The following EPHA7 variants were observed in gnomAD, a reference collection of about 807,000 sequenced individuals.
The protein encoded by EPHA7 is ephrin type-A receptor 7.
In EPHA7, 25 loss-of-function variants were observed where a neutral mutation model predicts 112.6. That is an observed-to-expected ratio of 0.22 (90% CI 0.16 to 0.31). The LOEUF (loss-of-function observed/expected upper bound fraction) is 0.31. Ranked by LOEUF, EPHA7 falls within the 10% of genes least tolerant of loss-of-function variation. EPHA7 has a pLI of 1.00. For missense variants in EPHA7, 962 were observed against 1,212.6 expected (o/e 0.79, Z 3.07); for synonymous variants, 437 against 406.5 (o/e 1.07, Z -0.90).
chr6:93,414,763 T>C lies in EPHA7; in HGVS notation c.102A>G (p.Leu34=), dbSNP rs1260794852. 6.2e-7 allele frequency: 1 copy of C among 1,612,162 alleles called. No homozygotes were observed. Among genetic ancestry groups the C allele is most frequent in the Non-Finnish European group, 8.5e-7 (1 of 1,178,892 alleles). The stretch of plus-strand genomic sequence containing the variant: ...TTTGTTGTGCTTTAGAATCCAGCAG[T>C]AGTACTGAAAAAGAAAGTTGTATTT... ...TGEAQAAKEV[L]LLDSKAQQTE... The change falls in exon 2 of 17, where the codon CTA becomes CTG. Residue 34 remains leucine (L), a synonymous_variant. Coordinates refer to ENST00000369303, the MANE Select transcript of EPHA7 (RefSeq NM_004440.4).
intron 5 of EPHA7, among the ~76,000 whole-genome samples, chr6:93,290,874 T>C (rs1007807383): frequency 2.0e-5 from 3 of 152,112 alleles, no homozygotes; most frequent in Admixed American, 2.0e-4. Flanking sequence ...GGGAATTCTA[T>C]CTAATAGTTA....
At chr6:93,256,973 A>G (rs1770467732) in intron 12 of EPHA7, among the ~76,000 whole-genome samples, 3 of 152,132 alleles carry the variant, frequency 2.0e-5, no homozygotes, top group Admixed American at 2.0e-4. Flanking sequence ...CTGGATTTAT[A>G]TGTCATTTAC....
chr6:93,403,650 C>T (rs1778540549), intron 3 of EPHA7, among the ~76,000 whole-genome samples: 2 of 142,760 alleles, frequency 1.4e-5, no homozygotes, highest in Admixed American at 7.1e-5. Flanking sequence ...AACATGGCAA[C>T]ACTCATCTCT....
At chr6:93,417,358 C>T (rs1327272236) in intron 1 of EPHA7, among the ~76,000 whole-genome samples, 3 of 152,264 alleles carry the variant, frequency 2.0e-5, no homozygotes, top group African/African-American at 7.2e-5. Flanking sequence ...CCGCTGCGCC[C>T]TAGAGGCGTC....
chr6:93,403,670 A>T (rs999395578), intron 3 of EPHA7, among the ~76,000 whole-genome samples: 4 of 151,904 alleles, frequency 2.6e-5, no homozygotes, highest in Non-Finnish European at 4.4e-5. Flanking sequence ...TTAAAAAAAA[A>T]AAAAAAAGAA....
At chr6:93,417,206 AG>A (rs1779281476) in intron 1 of EPHA7, among the ~76,000 whole-genome samples, 1 of 152,128 alleles carries the variant, frequency 6.6e-6, no homozygotes, top group Non-Finnish European at 1.5e-5. Flanking sequence ...AAGTGAGGGA[AG>A]GGGGTTTCTT....
At chr6:93,409,165 A>T (rs1038467348) in intron 3 of EPHA7, among the ~76,000 whole-genome samples, 1 of 152,072 alleles carries the variant, frequency 6.6e-6, no homozygotes. Flanking sequence ...TACTAGAATG[A>T]GAATTTTATG....
intron 5 of EPHA7, among the ~76,000 whole-genome samples, chr6:93,312,886 A>G (rs1773612919): frequency 1.3e-5 from 2 of 152,264 alleles, no homozygotes; most frequent in East Asian, 1.9e-4. Context: ...GGAAAGCCCA[A>G]GGAGAGGGAG....
intron 5 of EPHA7, among the ~76,000 whole-genome samples, chr6:93,330,163 CACAT>C (rs1774521653): frequency 6.6e-6 from 1 of 151,092 alleles, no homozygotes; most frequent in South Asian, 2.1e-4. Context: ...TTTTAATTGA[CACAT>C]AATAATTTTA....
rs2127994339 is a variant in EPHA7 at position 93,410,591 on chromosome 6, T to C, written c.742A>G (p.Met248Val). 6.2e-7 allele frequency: 1 copy of C among 1,614,006 alleles called. No individual in the cohort carries two copies. Among genetic ancestry groups the C allele is most frequent in the Non-Finnish European group, 8.5e-7 (1 of 1,179,948 alleles). The change falls in exon 3 of 17, where the codon ATG (methionine) becomes GTG (valine). Residue 248 changes from methionine to valine, a missense_variant. Physicochemically the swap from Met to Val is conservative, Grantham distance 21. This residue lies in a region of EPHA7 where 160 missense variants were observed against 263.6 expected (regional missense o/e 0.61). Coordinates refer to ENST00000369303, the MANE Select transcript of EPHA7 (RefSeq NM_004440.4). The surrounding 1 kb of genome is among the most constrained non-coding windows in gnomAD (Gnocchi z 4.0). The stretch of plus-strand genomic sequence containing the variant: ...CATTCTCCTTCTGCACTGCAGTGCA[T>C]CCTGGGGGCGTTTTCCGCTTCTTCC... The part of the protein sequence containing the change: ...AEEEAENAPR[M>V]HCSAEGEWLV...
chr6:93,378,290 A>C (rs2127967908), intron 3 of EPHA7, among the ~76,000 whole-genome samples: 1 of 152,146 alleles, frequency 6.6e-6, no homozygotes, highest in East Asian at 1.9e-4. Flanking sequence ...TGTTTTTTCT[A>C]AGAGGAAAAG....
Position 93,248,466 on chromosome 6 carries a change from C to A in EPHA7, c.2533-1481G>T, listed in dbSNP as rs150729373. Among the ~76,000 whole-genome samples the A allele has an allele frequency of 1.8e-3, 278 of 152,158 alleles. 3 individuals are homozygous for A. In the Middle Eastern group the frequency reaches 0.024, roughly 13 times the overall value. On this transcript the variant is annotated intron_variant, in intron 14 of 16. Transcript: ENST00000369303. The stretch of plus-strand genomic sequence containing the variant: ...TAAGTATAAAATTTAAGACCAAACT[C>A]TCTCCTAATCACTAGGTTGTATTTC...
intron 3 of EPHA7, among the ~76,000 whole-genome samples, chr6:93,364,106 T>C (rs550199809): frequency 6.6e-6 from 1 of 152,302 alleles, no homozygotes; most frequent in Non-Finnish European, 1.5e-5. Flanking sequence ...AATTACAATG[T>C]TCTAAAAATG....
rs75223731 is a variant in EPHA7, at chr6:93,313,954, T to A, written c.1325-41532A>T. Among the ~76,000 whole-genome samples, 40 of 152,252 alleles carry A rather than the reference T, an allele frequency of 2.6e-4. No homozygotes were observed. In the East Asian group the frequency reaches 6.4e-3, roughly 24 times the overall value. On this transcript the variant is annotated intron_variant, in intron 5 of 16. Transcript: ENST00000369303. ...ATGAGTTTAGAGACGATGTTTCTCT[T>A]CTTTCTCCTCCTTTATCTTTTCTAC...
At chr6:93,335,101 G>C (rs1273269405) in intron 5 of EPHA7, among the ~76,000 whole-genome samples, 1 of 151,982 alleles carries the variant, frequency 6.6e-6, no homozygotes, top group Non-Finnish European at 1.5e-5. Flanking sequence ...TCAGCATTTG[G>C]AGTAATAACA....
chr6:93,328,422 T>A (rs163995), intron 5 of EPHA7, among the ~76,000 whole-genome samples: 54,629 of 151,194 alleles, frequency 0.36, 10,342 homozygotes, highest in African/African-American at 0.48. Flanking sequence ...AAATGCTGAA[T>A]AAATATCTTT....
intron 5 of EPHA7, among the ~76,000 whole-genome samples, chr6:93,349,759 A>T (rs1014611467): frequency 6.6e-6 from 1 of 152,030 alleles, no homozygotes; most frequent in South Asian, 2.1e-4. Context: ...AAATATACAA[A>T]TTTAAATGGA....
rs1778938900 is a variant in EPHA7, at chr6:93,410,785, T to C, written c.548A>G (p.Tyr183Cys). Reference sequence around the variant, plus strand: ...AGCCCCTACATCCTGAAAGGCAAGATAGAATCCCTTTTTGGACAAAGGTCC... The same window carrying C: ...AGCCCCTACATCCTGAAAGGCAAGACAGAATCCCTTTTTGGACAAAGGTCC... ...EIGPLSKKGFYLAFQDVGACI... is the reference protein window; with the variant it reads ...EIGPLSKKGFCLAFQDVGACI... The change falls in exon 3 of 17, where the codon TAT becomes TGT. Residue 183 changes from tyrosine (Y) to cysteine (C), a missense_variant. Tyr to Cys is a radical substitution (Grantham distance 194). This residue lies in a region of EPHA7 where 160 missense variants were observed against 263.6 expected (regional missense o/e 0.61). Transcript: ENST00000369303. This position sits in a 1 kb window ranked among gnomAD's most constrained non-coding sequence, Gnocchi z 4.0. 1 of 1,614,080 alleles carries C rather than the reference T, an allele frequency of 6.2e-7. No individual in the cohort carries two copies. Among genetic ancestry groups the C allele is most frequent in the Non-Finnish European group, 8.5e-7 (1 of 1,179,964 alleles).
At position 93,312,029 on chromosome 6, in the gene EPHA7, G is replaced by T. The variant is rs181352238; in HGVS notation, c.1325-39607C>A. Among the ~76,000 whole-genome samples the T allele has an allele frequency of 2.0e-5, 3 of 152,210 alleles. No homozygotes were observed. The East Asian group carries it at 5.8e-4, about 29-fold the overall frequency. Reference sequence around the variant, plus strand: ...TCAGTAAGCCATGCTGTAAACATATGTGCTGTTATCAAGGCTTCATTGATA... The same window carrying T: ...TCAGTAAGCCATGCTGTAAACATATTTGCTGTTATCAAGGCTTCATTGATA... On this transcript the variant is annotated intron_variant, in intron 5 of 16. Transcript: ENST00000369303.
Sources: gnomAD v4.1 joint callset for allele counts (sites outside exome capture counted in the v4.1 genomes callset) on GRCh38, gnomAD v4.1.1 for gene constraint, gnomAD v4.1.1 regional missense constraint, Gnocchi (gnomAD v3.1) non-coding constraint, MANE v1.5 for transcripts, NCBI Gene and HGNC (gene_info 2026-07-23, HGNC 2026-07-21) for gene names.